The following HYDIN variants were observed in gnomAD, a reference collection of about 807,000 sequenced individuals.
HYDIN encodes axonemal central pair apparatus protein HYDIN.
HYDIN carries 132 observed loss-of-function variants against 403.9 expected under a neutral mutation model. The observed-to-expected ratio is 0.33, with a 90% CI of 0.28 to 0.38. The LOEUF (loss-of-function observed/expected upper bound fraction) is 0.38. Among genes scored for constraint, HYDIN ranks in the 10% least tolerant of loss-of-function variants. HYDIN has a pLI of 1.00. For synonymous variants in HYDIN, 1,202 were observed against 1,891.7 expected (o/e 0.64, Z 9.46); for missense variants, 2,827 against 5,009.5 (o/e 0.56, Z 13.15).
At chr16:71,004,157 A>C (rs1472026557) in intron 23 of HYDIN, among the ~76,000 whole-genome samples, 2 of 151,962 alleles carry the variant, frequency 1.3e-5, no homozygotes, top group East Asian at 3.9e-4. Flanking sequence ...TCTACTGAAC[A>C]TACAAAATTA....
intron 23 of HYDIN, among the ~76,000 whole-genome samples, chr16:71,004,314 C>CA (rs11383182): frequency 1.7e-3 from 153 of 88,134 alleles, no homozygotes; most frequent in East Asian, 6.2e-3. Flanking sequence ...AACTCCATTT[C>CA]AAAAAAAAAA....
intron 23 of HYDIN, among the ~76,000 whole-genome samples, chr16:71,008,613 A>T (rs1339268696): frequency 6.6e-6 from 1 of 150,894 alleles, no homozygotes; most frequent in Non-Finnish European, 1.5e-5. Context: ...TCCCAATGTA[A>T]AGATGTGAAC....
chr16:70,908,407 T>C lies in HYDIN; in HGVS notation c.8241A>G (p.Pro2747=). 2 of 1,261,274 alleles carry C rather than the reference T, an allele frequency of 1.6e-6. No homozygotes were observed. The highest frequency in any genetic ancestry group is 2.2e-6 in the Non-Finnish European group (2 of 915,806). The allele number at this position is 1,261,274 out of a possible 1,614,324, so 78.1% of individuals were successfully genotyped here. A position where few individuals can be genotyped will look rare whatever the true frequency, so the allele number is the denominator to read the frequency against. ...TRLNHFRWIV[P]ANGEVTLQVH... ...CCTGCAACGTTACCTCGCCATTGGC[T>C]GGCACGATCCACCGGAAGTGATTCA... Residue 2747 remains proline (P), a synonymous_variant, in exon 49 of 86, where the codon CCA becomes CCG. Transcript: ENST00000393567.
intron 41 of HYDIN, among the ~76,000 whole-genome samples, chr16:70,945,753 G>A (rs1002948515): frequency 6.6e-6 from 1 of 152,194 alleles, no homozygotes; most frequent in African/African-American, 2.4e-5. Flanking sequence ...GTGATCAGCT[G>A]CCAAGAAGTC....
At chr16:70,810,449 C>A (rs1309436363) in intron 84 of HYDIN, among the ~76,000 whole-genome samples, 1 of 152,206 alleles carries the variant, frequency 6.6e-6, no homozygotes, top group Non-Finnish European at 1.5e-5. Context: ...ACAAGGGAAA[C>A]AATTCGAATG....
At chr16:71,171,727 G>A (rs970647909) in intron 5 of HYDIN, among the ~76,000 whole-genome samples, 46 of 152,170 alleles carry the variant, frequency 3.0e-4, no homozygotes, top group African/African-American at 1.0e-3. Flanking sequence ...GTTAATTGAA[G>A]TGACAAAGAA....
Position 70,943,917 on chromosome 16 carries a change from G to A in HYDIN, c.6564C>T (p.Ile2188=), listed in dbSNP as rs1490984292. The A allele has an allele frequency of 6.2e-7, 1 of 1,612,884 alleles. No individual in the cohort carries two copies. The highest frequency in any genetic ancestry group is 8.5e-7 in the Non-Finnish European group (1 of 1,179,678). ...TGGGACTAACACTGAGCCAGCGGTGGATGGGCCCCGGGGGGAGAGGGCTGG... is the reference window on the plus strand; with the variant it reads ...TGGGACTAACACTGAGCCAGCGGTGAATGGGCCCCGGGGGGAGAGGGCTGG... ...ISSSPLPPGP[I]HRWLSVSPSV... Residue 2188 remains isoleucine (I), a synonymous_variant, in exon 42 of 86, where the codon ATC becomes ATT. Coordinates refer to ENST00000393567, the MANE Select transcript of HYDIN (RefSeq NM_001270974.2).
chr16:71,229,513 A>G (rs1297104078), intron 1 of HYDIN, among the ~76,000 whole-genome samples: 1 of 152,250 alleles, frequency 6.6e-6, no homozygotes, highest in African/African-American at 2.4e-5. Context: ...AAGCAATCCT[A>G]ATGTCCATCA....
chr16:71,216,804 G>C lies in HYDIN; in HGVS notation c.-24+13758C>G, dbSNP rs79795079. On this transcript the variant is annotated intron_variant, in intron 1 of 85. Coordinates refer to ENST00000393567, the MANE Select transcript of HYDIN (RefSeq NM_001270974.2). ...ATTCTGATTCAGTCAATCTATAGTC[G>C]GTCCTGGACATCGGTATTTTCAAAT... Among the ~76,000 whole-genome samples the C allele has an allele frequency of 1.4e-3, 209 of 152,238 alleles. 1 individual carries two copies. The highest frequency in any genetic ancestry group is 4.9e-3 in the African/African-American group (203 of 41,542).
chr16:71,137,111 C>T (rs773175869), intron 8 of HYDIN, 40 bp downstream of exon 8: 15 of 769,852 alleles, frequency 1.9e-5, no homozygotes, highest in Non-Finnish European at 3.0e-5. Flanking sequence ...TACATTCCCC[C>T]CCTCCAAATT....
chr16:71,059,077 C>T (rs1046658638), intron 18 of HYDIN, among the ~76,000 whole-genome samples: 13 of 152,182 alleles, frequency 8.5e-5, no homozygotes, highest in Non-Finnish European at 1.8e-4. Flanking sequence ...CAACAGTAGG[C>T]TGTTAGCAGA....
chr16:71,198,911 G>A (rs2087843429), intron 1 of HYDIN, among the ~76,000 whole-genome samples: 1 of 152,200 alleles, frequency 6.6e-6, no homozygotes, highest in African/African-American at 2.4e-5. Flanking sequence ...AGACTGAATA[G>A]TTTTCCAAAG....
intron 72 of HYDIN, among the ~76,000 whole-genome samples, chr16:70,856,895 C>T (rs1366109904): frequency 6.6e-6 from 1 of 152,176 alleles, no homozygotes; most frequent in African/African-American, 2.4e-5. Context: ...TCTTATGCAA[C>T]ACCACATTGG....
rs759246316 is a variant in HYDIN, at chr16:70,992,254, C to A, written c.3645-44G>T. Reference sequence around the variant, plus strand: ...GGGAATAGGGGGAGACAGGAGACATCAGTTTTTGCAAATCAGTGTTCAGTG... The same window carrying A: ...GGGAATAGGGGGAGACAGGAGACATAAGTTTTTGCAAATCAGTGTTCAGTG... On this transcript the variant is annotated intron_variant, in intron 23 of 85. Coordinates refer to ENST00000393567, the MANE Select transcript of HYDIN (RefSeq NM_001270974.2). The A allele has an allele frequency of 1.9e-5, 29 of 1,517,134 alleles. No individual in the cohort carries two copies. The South Asian group carries it at 3.4e-4, about 18-fold the overall frequency. The allele number at this position is 1,517,134 out of a possible 1,614,324, so 94.0% of individuals were successfully genotyped here.
intron 45 of HYDIN, among the ~76,000 whole-genome samples, chr16:70,922,711 C>A (rs1328611991): frequency 6.7e-6 from 1 of 149,504 alleles, no homozygotes; most frequent in Non-Finnish European, 1.5e-5. Context: ...ACAATGAAAA[C>A]ACTGAATATC....
intron 64 of HYDIN, among the ~76,000 whole-genome samples, 192 bp from the exon 65 acceptor site, chr16:70,872,371 TATCC>T (rs144467788): frequency 0.075 from 10,288 of 137,008 alleles, 486 homozygotes; most frequent in Middle Eastern, 0.16. Context: ...TCCATCCATC[TATCC>T]ATCCATCCAT....
At position 70,860,174 on chromosome 16, in the gene HYDIN, G is replaced by A. The variant is rs758709499; in HGVS notation, c.12023C>T (p.Thr4008Ile). 1.2e-6 allele frequency: 2 copies of A among 1,614,154 alleles called. No individual in the cohort carries two copies. The highest frequency in any genetic ancestry group is 3.3e-5 in the Admixed American group (2 of 60,020). Residue 4008 changes from threonine to isoleucine, a missense_variant, in exon 71 of 86, where the codon ACC becomes ATC. Thr to Ile is a moderately conservative substitution (Grantham distance 89). Coordinates refer to ENST00000393567, the MANE Select transcript of HYDIN (RefSeq NM_001270974.2). ...TFTILNPTNS[T>I]YSFCWISEEI... ...TTCAGAGATCCAGCAGAAGGAGTAGGTGCTATTGGTTGGGTTTAGGATGGT... is the reference window on the plus strand; with the variant it reads ...TTCAGAGATCCAGCAGAAGGAGTAGATGCTATTGGTTGGGTTTAGGATGGT...
rs2086793148 is a variant in HYDIN at position 71,178,945 on chromosome 16, A to G, written c.364T>C (p.Leu122=). Reference sequence around the variant, plus strand: ...ATACTCACTTTGTCATTGTTCCTCAAAATCAGTGGAACTTCATAGACTTCA... The same window carrying G: ...ATACTCACTTTGTCATTGTTCCTCAGAATCAGTGGAACTTCATAGACTTCA... ...PCEVYEVPLI[L]RNNDKIPRLV... is the part of the protein sequence containing the mutation. Residue 122 remains leucine, a synonymous_variant, in exon 4 of 86, where the codon TTG becomes CTG. Coordinates refer to ENST00000393567, the MANE Select transcript of HYDIN (RefSeq NM_001270974.2). 11 of 1,612,018 alleles carry G rather than the reference A, an allele frequency of 6.8e-6. No homozygotes were observed. In the East Asian group the frequency reaches 2.5e-4, roughly 36 times the overall value.
chr16:71,031,028 G>A (rs1365352527), intron 19 of HYDIN, among the ~76,000 whole-genome samples: 5 of 150,236 alleles, frequency 3.3e-5, no homozygotes, highest in Non-Finnish European at 4.5e-5. Flanking sequence ...GTGAAACCCC[G>A]TCTCTACTAA....
Sources: allele counts gnomAD v4.1 joint callset (sites outside exome capture counted in the v4.1 genomes callset), GRCh38; gene constraint gnomAD v4.1.1; transcripts MANE v1.5; gene names NCBI Gene and HGNC (gene_info 2026-07-23, HGNC 2026-07-21).